PDE4D: variants seen among roughly 807,000 people sequenced by gnomAD.
The protein encoded by PDE4D is phosphodiesterase 4D.
PDE4D carries 24 observed loss-of-function variants against 87.4 expected under a neutral mutation model. The observed-to-expected ratio is 0.27, with a 90% CI of 0.20 to 0.39. PDE4D has a LOEUF of 0.39. Ranked by LOEUF, PDE4D falls within the 10% of genes least tolerant of loss-of-function variation. The pLI is 1.00. For missense variants in PDE4D, 714 were observed against 1,041.0 expected (o/e 0.69, Z 4.32); for synonymous variants, 384 against 383.2 (o/e 1.00, Z -0.02).
intron 1 of PDE4D, among the ~76,000 whole-genome samples, chr5:60,360,173 G>T (rs765760070): frequency 5.9e-5 from 9 of 152,168 alleles, no homozygotes; most frequent in Non-Finnish European, 1.3e-4. Flanking sequence ...AGACAGGTGG[G>T]ATTGCTCACA....
intron 1 of PDE4D, among the ~76,000 whole-genome samples, chr5:59,497,648 T>C (rs2153662984): frequency 6.6e-6 from 1 of 151,900 alleles, no homozygotes; most frequent in East Asian, 1.9e-4. Context: ...AAGAAAAAAA[T>C]AATTTTAAAC....
At chr5:59,892,483 C>T (rs1751096398) in intron 1 of PDE4D, among the ~76,000 whole-genome samples, 1 of 152,186 alleles carries the variant, frequency 6.6e-6, no homozygotes, top group African/African-American at 2.4e-5. Context: ...CCCACAGCGT[C>T]CTCGCTCCTT....
intron 2 of PDE4D, among the ~76,000 whole-genome samples, chr5:59,201,333 C>CT (rs1227152423): frequency 4.6e-5 from 7 of 152,028 alleles, no homozygotes; most frequent in African/African-American, 1.7e-4. Flanking sequence ...TCATGAAACT[C>CT]TAATTTCAGA....
At chr5:59,437,495 T>A (rs1014878487) in intron 1 of PDE4D, among the ~76,000 whole-genome samples, 2 of 152,150 alleles carry the variant, frequency 1.3e-5, no homozygotes, top group Non-Finnish European at 2.9e-5. Context: ...AGTTGTAAGA[T>A]AAAAAATAAT....
In PDE4D at chr5:59,215,872, G is replaced by A; in HGVS notation, c.552C>T (p.His184=). ...SGLILQANFV[H]SQRRESFLYR... is the part of the protein sequence containing the mutation. ...ACAGGAAGGACTCCCGTCGTTGACT[G>A]TGGACAAAATTTGCTTGGAGAATTA... The change falls in exon 2 of 15, where the codon CAC becomes CAT. Residue 184 remains histidine (H), a synonymous_variant. Coordinates refer to ENST00000340635, the MANE Select transcript of PDE4D (RefSeq NM_001104631.2). 1.2e-6 allele frequency: 2 copies of A among 1,613,632 alleles called. No homozygotes were observed. Among genetic ancestry groups the A allele is most frequent in the East Asian group, 2.2e-5 (1 of 44,868 alleles).
intron 1 of PDE4D, among the ~76,000 whole-genome samples, chr5:59,395,924 A>G (rs1388338702): frequency 8.3e-6 from 1 of 120,428 alleles, no homozygotes; most frequent in African/African-American, 3.3e-5. Context: ...CTCAAGAACT[A>G]CCTGAAGAAT....
At chr5:59,983,695 A>G (rs978079732) in intron 3 of PDE4D, among the ~76,000 whole-genome samples, 6 of 152,316 alleles carry the variant, frequency 3.9e-5, no homozygotes, top group African/African-American at 1.4e-4. Flanking sequence ...AATGAAAAAG[A>G]CTGAAAATAC....
intron 1 of PDE4D, among the ~76,000 whole-genome samples, chr5:60,478,593 G>A (rs1748499817): frequency 6.6e-6 from 1 of 152,112 alleles, no homozygotes; most frequent in African/African-American, 2.4e-5. Flanking sequence ...GCAACTATTT[G>A]CTTCTATTCA....
chr5:59,719,281 A>C (rs1561535219), intron 1 of PDE4D, among the ~76,000 whole-genome samples: 1 of 152,162 alleles, frequency 6.6e-6, no homozygotes, highest in Admixed American at 6.6e-5. Context: ...TCTTATTTCA[A>C]GCTACCAATG....
At chr5:59,158,850 A>C (rs1270306693) in intron 5 of PDE4D, among the ~76,000 whole-genome samples, 1 of 152,174 alleles carries the variant, frequency 6.6e-6, no homozygotes, top group Admixed American at 6.5e-5. Flanking sequence ...CCAGTGCCAG[A>C]GGCAAAGTGA....
At chr5:59,051,553 C>T (rs1435764008) in intron 5 of PDE4D, among the ~76,000 whole-genome samples, 3 of 152,172 alleles carry the variant, frequency 2.0e-5, no homozygotes, top group African/African-American at 7.2e-5. Context: ...TAAGATTCTC[C>T]TTACTAATGA....
intron 1 of PDE4D, among the ~76,000 whole-genome samples, chr5:59,389,019 T>A (rs917630493): frequency 6.6e-6 from 1 of 152,058 alleles, no homozygotes; most frequent in African/African-American, 2.4e-5. Context: ...TGTAAGTATT[T>A]AAAATATGAA....
chr5:58,990,938 AG>A (rs1176917425), intron 8 of PDE4D, 36 bp from the exon 9 acceptor site: 2 of 1,155,990 alleles, frequency 1.7e-6, no homozygotes, highest in Non-Finnish European at 2.5e-6. Flanking sequence ...CTAAAATATT[AG>A]AAAGTGGAGT....
At chr5:60,322,438 T>C (rs1756394692) in intron 1 of PDE4D, among the ~76,000 whole-genome samples, 1 of 150,284 alleles carries the variant, frequency 6.7e-6, no homozygotes, top group Non-Finnish European at 1.5e-5. Context: ...TATTTCAAAC[T>C]TTTTCAGCTC....
chr5:60,473,539 A>G (rs1264428641), intron 1 of PDE4D, among the ~76,000 whole-genome samples: 4 of 152,208 alleles, frequency 2.6e-5, no homozygotes, highest in Non-Finnish European at 4.4e-5. Context: ...GATGAAGAAT[A>G]TCCTAAAACT....
chr5:60,047,635 C>G (rs1054357958), intron 2 of PDE4D, among the ~76,000 whole-genome samples: 2 of 152,082 alleles, frequency 1.3e-5, no homozygotes, highest in African/African-American at 4.8e-5. Flanking sequence ...ACCCAGTAGT[C>G]ATTCAGGAGC....
chr5:59,454,502 C>T (rs1396406115), intron 1 of PDE4D, among the ~76,000 whole-genome samples: 1 of 152,194 alleles, frequency 6.6e-6, no homozygotes, highest in Non-Finnish European at 1.5e-5. Flanking sequence ...TGAGGCCTCC[C>T]CAGCCCTGTG....
At chr5:59,704,042 C>A (rs896447020) in intron 1 of PDE4D, among the ~76,000 whole-genome samples, 6 of 152,018 alleles carry the variant, frequency 3.9e-5, no homozygotes, top group Non-Finnish European at 7.4e-5. Flanking sequence ...TAACACATGA[C>A]CTCCAGCTCG....
rs567714906 is a variant in PDE4D at position 59,339,287 on chromosome 5, C to T, written c.456-123319G>A. Among the ~76,000 whole-genome samples, 5 of 152,224 alleles carry T rather than the reference C, an allele frequency of 3.3e-5. No homozygotes were observed. In the South Asian group the frequency reaches 1.0e-3, roughly 32 times the overall value. On this transcript the variant is annotated intron_variant, in intron 1 of 14. Coordinates refer to ENST00000340635, the MANE Select transcript of PDE4D (RefSeq NM_001104631.2). ...ATCTGAGCATCAAATTACATATTTT[C>T]CTGAAATATTTTATATTTTCTCAAA...
Sources: allele counts gnomAD v4.1 joint callset (sites outside exome capture counted in the v4.1 genomes callset), GRCh38; gene constraint gnomAD v4.1.1; transcripts MANE v1.5; gene names NCBI Gene and HGNC (gene_info 2026-07-23, HGNC 2026-07-21).